The following DOCK3 variants were observed in gnomAD, a reference collection of about 807,000 sequenced individuals.
DOCK3 encodes the protein dedicator of cytokinesis protein 3.
In DOCK3, 60 loss-of-function variants were observed where a neutral mutation model predicts 265.6. That is an observed-to-expected ratio of 0.23 (90% confidence interval 0.18 to 0.28). The LOEUF (loss-of-function observed/expected upper bound fraction) is 0.28. Ranked by LOEUF, DOCK3 falls within the 10% of genes least tolerant of loss-of-function variation. The pLI is 1.00. For missense variants in DOCK3, 1,981 were observed against 2,594.3 expected, an observed-to-expected ratio of 0.76 and a Z score of 5.14; for synonymous variants, 881 against 938.0, an observed-to-expected ratio of 0.94 and a Z score of 1.11.
chr3:50,954,730 G>T (rs958410462), intron 5 of DOCK3, among the ~76,000 whole-genome samples: 2 of 151,786 alleles, frequency 1.3e-5, no homozygotes, highest in East Asian at 3.9e-4. Context: ...TTAGAATTTT[G>T]TCAGATGCAT....
intron 1 of DOCK3, among the ~76,000 whole-genome samples, chr3:50,742,296 C>T (rs1046747522): frequency 1.2e-3 from 180 of 152,310 alleles, no homozygotes; most frequent in Non-Finnish European, 2.2e-3. Context: ...CGCCTCTCCT[C>T]CTCCAAAGGA....
chr3:51,194,991 A>T (rs1464912695), intron 12 of DOCK3, among the ~76,000 whole-genome samples: 1 of 151,322 alleles, frequency 6.6e-6, no homozygotes, highest in African/African-American at 2.4e-5. Flanking sequence ...CACCCAGCTA[A>T]TTTTTTTGTA....
chr3:51,292,552 G>A (rs1475836806), intron 27 of DOCK3, among the ~76,000 whole-genome samples: 3 of 152,094 alleles, frequency 2.0e-5, no homozygotes, highest in Admixed American at 1.3e-4. Context: ...TGGGAGGATC[G>A]CTTGAGCCCA....
At chr3:51,082,696 T>C (rs1178603053) in intron 7 of DOCK3, among the ~76,000 whole-genome samples, 1 of 152,126 alleles carries the variant, frequency 6.6e-6, no homozygotes, top group East Asian at 1.9e-4. Flanking sequence ...CATAAGTGCA[T>C]AGTCCAAGGA....
Position 51,159,259 on chromosome 3 carries a change from G to A in DOCK3, c.844G>A (p.Asp282Asn). Residue 282 changes from aspartate to asparagine, a missense_variant, in exon 11 of 53, where the codon GAT becomes AAT. Transcript: ENST00000266037. ...TTTCTCTTAGGATCTGAGCAGCAAA[G>A]ATATGAAGAGAGATTTGTATATCGT... The part of the protein sequence containing the change: ...CALFTDLSSK[D>N]MKRDLYIVAH... The A allele has an allele frequency of 1.2e-6, 2 of 1,613,542 alleles. No individual in the cohort carries two copies. The highest frequency in any genetic ancestry group is 1.7e-6 in the Non-Finnish European group (2 of 1,179,606).
chr3:50,800,775 C>T (rs547311939), intron 2 of DOCK3, among the ~76,000 whole-genome samples: 1 of 152,066 alleles, frequency 6.6e-6, no homozygotes, highest in South Asian at 2.1e-4. Flanking sequence ...TGAAATCTTT[C>T]TAGTTTTTTT....
At chr3:50,755,351 CT>C (rs1001845834) in intron 1 of DOCK3, among the ~76,000 whole-genome samples, 1 of 152,104 alleles carries the variant, frequency 6.6e-6, no homozygotes, top group African/African-American at 2.4e-5. Flanking sequence ...CAAACTGAAC[CT>C]TTTTCTGCTC....
At chr3:51,312,759 C>A in intron 30 of DOCK3, 85 bp from the exon 31 acceptor site, 1 of 1,416,466 alleles carries the variant, frequency 7.1e-7, no homozygotes, top group Non-Finnish European at 9.8e-7. Context: ...ACAAACAGTG[C>A]TGAAGTCCTG....
intron 2 of DOCK3, among the ~76,000 whole-genome samples, chr3:50,840,457 A>C (rs926861689): frequency 2.6e-5 from 4 of 152,200 alleles, no homozygotes; most frequent in Admixed American, 2.6e-4. Flanking sequence ...TTCCAGCACC[A>C]TTTGTTGAAA....
chr3:50,974,444 A>G (rs1176797589), intron 5 of DOCK3, among the ~76,000 whole-genome samples: 1 of 152,012 alleles, frequency 6.6e-6, no homozygotes, highest in Non-Finnish European at 1.5e-5. Flanking sequence ...AAGATCAGAT[A>G]GTTGTAGATA....
intron 11 of DOCK3, among the ~76,000 whole-genome samples, chr3:51,159,880 C>G (rs1355434885): frequency 2.6e-5 from 4 of 152,190 alleles, no homozygotes; most frequent in African/African-American, 9.7e-5. Flanking sequence ...TATGGTGAAC[C>G]AAGTCCTCCT....
chr3:51,066,470 A>T (rs2081594977), intron 6 of DOCK3, among the ~76,000 whole-genome samples: 1 of 152,198 alleles, frequency 6.6e-6, no homozygotes, highest in Admixed American at 6.5e-5. Flanking sequence ...TATCATTAGC[A>T]CTGGATGCTA....
At chr3:51,369,542 A>G (rs527301272) in intron 49 of DOCK3, among the ~76,000 whole-genome samples, 40 of 152,376 alleles carry the variant, frequency 2.6e-4, no homozygotes, top group African/African-American at 8.7e-4. Flanking sequence ...ATATGGGACT[A>G]TGTGAAAATC....
Position 51,151,136 on chromosome 3 carries a change from C to CT in DOCK3, c.828+4517dup, listed in dbSNP as rs1291129126. On this transcript the variant is annotated intron_variant, in intron 10 of 52. Transcript: ENST00000266037. Reference sequence around the variant, plus strand: ...TCAGAGACTAGGATCGCAACCCCTGCTTTTTTTTTTTGCTTTCCATTTGCT... The same window carrying CT: ...TCAGAGACTAGGATCGCAACCCCTGCTTTTTTTTTTTTGCTTTCCATTTGCT... Among the ~76,000 whole-genome samples, 293 of 144,196 alleles carry CT rather than the reference C, an allele frequency of 2.0e-3. 1 individual carries two copies. Among genetic ancestry groups the CT allele is most frequent in the African/African-American group, 4.1e-3 (162 of 39,496 alleles). 94.6% of individuals were successfully genotyped at this position (144,196 alleles called of 152,430 possible).
intron 3 of DOCK3, among the ~76,000 whole-genome samples, chr3:50,883,318 AAGG>A (rs999993488): frequency 2.0e-5 from 3 of 152,150 alleles, no homozygotes; most frequent in African/African-American, 7.2e-5. Flanking sequence ...AATCACGCAC[AAGG>A]AGAAGTTTTT....
At chr3:50,679,867 T>C (rs2034264090) in intron 1 of DOCK3, among the ~76,000 whole-genome samples, 1 of 152,234 alleles carries the variant, frequency 6.6e-6, no homozygotes, top group African/African-American at 2.4e-5. Flanking sequence ...ATGTCTTGTT[T>C]AGTGTTTATG....
intron 24 of DOCK3, among the ~76,000 whole-genome samples, chr3:51,274,630 A>T (rs978626208): frequency 6.6e-6 from 1 of 152,078 alleles, no homozygotes; most frequent in African/African-American, 2.4e-5. Context: ...TTAAAAAATT[A>T]TCCGAGTGTG....
intron 10 of DOCK3, among the ~76,000 whole-genome samples, chr3:51,148,843 T>G (rs1384418853): frequency 6.6e-6 from 1 of 152,192 alleles, no homozygotes; most frequent in Non-Finnish European, 1.5e-5. Flanking sequence ...TTTGGTTCCA[T>G]ATGAACTTTA....
At chr3:50,765,652 G>A (rs1471781048) in intron 1 of DOCK3, among the ~76,000 whole-genome samples, 1 of 151,878 alleles carries the variant, frequency 6.6e-6, no homozygotes, top group East Asian at 1.9e-4. Context: ...ACATAATTAT[G>A]CATGTTTATA....
Sources: gnomAD v4.1 joint callset for allele counts (sites outside exome capture counted in the v4.1 genomes callset) on GRCh38, gnomAD v4.1.1 for gene constraint, MANE v1.5 for transcripts, NCBI Gene and HGNC (gene_info 2026-07-23, HGNC 2026-07-21) for gene names.